Variants in MSH3 observed in about 807,000 individuals in gnomAD.
The protein encoded by MSH3 is DNA mismatch repair protein Msh3.
In MSH3, 106 loss-of-function variants were observed where a neutral mutation model predicts 123.3. That is an observed-to-expected ratio of 0.86 (90% CI 0.73 to 1.01). The LOEUF (loss-of-function observed/expected upper bound fraction) is 1.01, where lower values mean the gene tolerates loss of function less well. Among genes scored for constraint, MSH3 ranks in the 50% least tolerant of loss-of-function variants. MSH3 has a pLI of 0.00. For missense variants in MSH3, 1,459 were observed against 1,347.6 expected (o/e 1.08, Z -1.29); for synonymous variants, 515 against 481.4 (o/e 1.07, Z -0.91).
At chr5:80,779,217 T>G (rs539428730) in intron 17 of MSH3, among the ~76,000 whole-genome samples, 1 of 152,026 alleles carries the variant, frequency 6.6e-6, no homozygotes, top group African/African-American at 2.4e-5. Context: ...GATGTTGTAC[T>G]CCTGACCTCA....
At chr5:80,666,730 G>C (rs528473270) in intron 3 of MSH3, among the ~76,000 whole-genome samples, 1 of 152,300 alleles carries the variant, frequency 6.6e-6, no homozygotes, top group South Asian at 2.1e-4. Flanking sequence ...ATTATTACAG[G>C]TGATAAGCTG....
At chr5:80,658,747 A>G (rs569620506) in intron 2 of MSH3, among the ~76,000 whole-genome samples, 5 of 151,550 alleles carry the variant, frequency 3.3e-5, no homozygotes, top group African/African-American at 1.2e-4. Context: ...GCATGCCACC[A>G]TGCCTGGCTA....
At chr5:80,757,662 C>T (rs889988260) in intron 12 of MSH3, among the ~76,000 whole-genome samples, 3 of 152,114 alleles carry the variant, frequency 2.0e-5, no homozygotes, top group Non-Finnish European at 2.9e-5. Flanking sequence ...TAAGATCAAC[C>T]GTAGAATACT....
chr5:80,665,391 A>G, intron 3 of MSH3, 28 bp downstream of exon 3: 3 of 1,541,538 alleles, frequency 1.9e-6, no homozygotes, highest in South Asian at 1.1e-5. Context: ...ATGAGTATCC[A>G]GTTACCTAGA....
intron 20 of MSH3, among the ~76,000 whole-genome samples, chr5:80,816,885 C>T (rs1269705518): frequency 6.6e-6 from 1 of 152,160 alleles, no homozygotes; most frequent in Admixed American, 6.5e-5. Context: ...CCGACGTTAT[C>T]TTTGTGTATA....
chr5:80,693,595 AT>A (rs1750392672), intron 8 of MSH3, among the ~76,000 whole-genome samples: 1 of 107,862 alleles, frequency 9.3e-6, no homozygotes, highest in African/African-American at 3.7e-5. Flanking sequence ...ATAAATATAT[AT>A]AAACATACAT....
chr5:80,835,951 G>A (rs1745500751), intron 20 of MSH3, among the ~76,000 whole-genome samples: 1 of 151,850 alleles, frequency 6.6e-6, no homozygotes, highest in Non-Finnish European at 1.5e-5. Flanking sequence ...TGGAGGTTAT[G>A]TGACAGTCTT....
At chr5:80,830,219 A>G (rs1262352871) in intron 20 of MSH3, among the ~76,000 whole-genome samples, 1 of 151,840 alleles carries the variant, frequency 6.6e-6, no homozygotes, top group Non-Finnish European at 1.5e-5. Context: ...TCTATTTCCA[A>G]TTTCACTGAT....
chr5:80,802,877 A>G (rs1744817164), intron 19 of MSH3, among the ~76,000 whole-genome samples: 1 of 152,112 alleles, frequency 6.6e-6, no homozygotes. Context: ...CTCCAGTTCC[A>G]TCCATGTTGT....
At chr5:80,689,913 G>T (rs1256104322) in intron 8 of MSH3, among the ~76,000 whole-genome samples, 4 of 151,956 alleles carry the variant, frequency 2.6e-5, no homozygotes, top group Non-Finnish European at 1.5e-5. Context: ...AAGAGTAGGG[G>T]TCTCGCTCTG....
At chr5:80,724,620 T>C (rs1743226916) in intron 8 of MSH3, among the ~76,000 whole-genome samples, 2 of 152,182 alleles carry the variant, frequency 1.3e-5, no homozygotes, top group African/African-American at 2.4e-5. Context: ...ATACATATTT[T>C]TAGGAGGACT....
chr5:80,820,882 G>C lies in MSH3; in HGVS notation c.2813+7141G>C, dbSNP rs142520353. 2.0e-3 allele frequency among the ~76,000 whole-genome samples: 301 copies of C among 152,314 alleles called. 1 individual carries two copies. Among genetic ancestry groups the C allele is most frequent in the Middle Eastern group, 6.8e-3 (2 of 294 alleles). On this transcript the variant is annotated intron_variant, in intron 20 of 23. Transcript: ENST00000265081. ...AGTGCACCTTTGTGATGCTGAGTAA[G>C]AGGAGATTTGCACTTCACGAAGGTC...
At chr5:80,845,111 C>G (rs1026495752) in intron 20 of MSH3, among the ~76,000 whole-genome samples, 3 of 152,146 alleles carry the variant, frequency 2.0e-5, no homozygotes, top group Admixed American at 6.5e-5. Flanking sequence ...GACAAAATCT[C>G]TCAGCATTTG....
chr5:80,813,402 T>A (rs760681373), intron 19 of MSH3, among the ~76,000 whole-genome samples, 182 bp from the exon 20 acceptor site: 3 of 152,252 alleles, frequency 2.0e-5, no homozygotes, highest in Non-Finnish European at 1.5e-5. Flanking sequence ...TGTGTACTGC[T>A]AAGAATTCAC....
intron 22 of MSH3, among the ~76,000 whole-genome samples, chr5:80,868,257 C>G (rs1362976474): frequency 2.6e-5 from 4 of 152,034 alleles, no homozygotes; most frequent in Non-Finnish European, 5.9e-5. Context: ...ACCCAGCAAT[C>G]CTGTTACTGG....
chr5:80,773,242 T>C (rs932141645), intron 15 of MSH3, among the ~76,000 whole-genome samples: 1 of 152,218 alleles, frequency 6.6e-6, no homozygotes, highest in Non-Finnish European at 1.5e-5. Context: ...AATTATTTTA[T>C]AAAAAGGCCA....
rs113921589 is a variant in MSH3 at position 80,733,596 on chromosome 5, A to AATATATAT, written c.1568+4641_1568+4648dup. Among the ~76,000 whole-genome samples the AATATATAT allele has an allele frequency of 2.0e-5, 3 of 150,388 alleles. 1 individual carries two copies. The highest frequency in any genetic ancestry group is 4.9e-5 in the African/African-American group (2 of 41,074). ...TATCCAGTAAGGGACTTGTATCTAGAATATATATATATATATAAACTCTTA... is the reference window on the plus strand; with the variant it reads ...TATCCAGTAAGGGACTTGTATCTAGAATATATATATATATATATATATATAAACTCTTA... On this transcript the variant is annotated intron_variant, in intron 10 of 23. Transcript: ENST00000265081.
chr5:80,772,215 G>C (rs989178088), intron 15 of MSH3, among the ~76,000 whole-genome samples: 5 of 151,948 alleles, frequency 3.3e-5, no homozygotes, highest in Admixed American at 2.6e-4. Context: ...CTTTAGAAAG[G>C]GTTTTATTAA....
chr5:80,698,835 A>G (rs1750543715), intron 8 of MSH3, among the ~76,000 whole-genome samples: 2 of 152,264 alleles, frequency 1.3e-5, no homozygotes, highest in African/African-American at 4.8e-5. Context: ...TAGCATTAGG[A>G]GATATACCTA....
Sources: gnomAD v4.1 joint callset for allele counts (sites outside exome capture counted in the v4.1 genomes callset) on GRCh38, gnomAD v4.1.1 for gene constraint, MANE v1.5 for transcripts, NCBI Gene and HGNC (gene_info 2026-07-23, HGNC 2026-07-21) for gene names.